Variants in CDYL2 observed in about 807,000 individuals in gnomAD.
The protein encoded by CDYL2 is chromodomain Y-like protein 2.
A neutral mutation model predicts 49.4 loss-of-function variants in CDYL2; 23 were observed. The ratio of observed to expected loss-of-function variants is 0.47; its 90% confidence interval spans 0.34 to 0.66. CDYL2 has a LOEUF of 0.66. Ranked by LOEUF, CDYL2 falls within the 30% of genes least tolerant of loss-of-function variation. The pLI, the probability that CDYL2 is intolerant of heterozygous loss-of-function variation, is 0.01. For missense variants in CDYL2, 678 were observed against 656.4 expected, an observed-to-expected ratio of 1.03 and a Z score of -0.36; for synonymous variants, 360 against 268.8, an observed-to-expected ratio of 1.34 and a Z score of -3.32.
At chr16:80,746,538 C>G (rs1905937449) in intron 1 of CDYL2, among the ~76,000 whole-genome samples, 2 of 152,172 alleles carry the variant, frequency 1.3e-5, no homozygotes, top group South Asian at 4.1e-4. Context: ...GTACTGAAGA[C>G]AGGAAAAGTA....
At chr16:80,672,061 G>A (rs768759112) in intron 2 of CDYL2, among the ~76,000 whole-genome samples, 1 of 152,090 alleles carries the variant, frequency 6.6e-6, no homozygotes, top group Non-Finnish European at 1.5e-5. Context: ...TACCAGTTAA[G>A]CACCCCTAAT....
intron 1 of CDYL2, among the ~76,000 whole-genome samples, chr16:80,769,346 C>T (rs540975397): frequency 6.6e-6 from 1 of 152,212 alleles, no homozygotes; most frequent in Admixed American, 6.5e-5. Flanking sequence ...TGAAAGCCAA[C>T]ATCTATTGAG....
intron 2 of CDYL2, among the ~76,000 whole-genome samples, chr16:80,642,916 C>A (rs1448089808): frequency 6.6e-6 from 1 of 152,042 alleles, no homozygotes; most frequent in Non-Finnish European, 1.5e-5. Context: ...CACCCCCAGC[C>A]CCTCCAAATC....
intron 1 of CDYL2, among the ~76,000 whole-genome samples, chr16:80,794,479 C>G (rs1204542267): frequency 1.3e-5 from 2 of 151,194 alleles, no homozygotes; most frequent in Non-Finnish European, 2.9e-5. Flanking sequence ...GGTATGCTCA[C>G]CAAAAAAGGA....
intron 5 of CDYL2, among the ~76,000 whole-genome samples, chr16:80,610,388 C>T (rs924436223): frequency 2.6e-5 from 4 of 152,150 alleles, no homozygotes; most frequent in African/African-American, 7.2e-5. Context: ...GTTGACCTTC[C>T]GATAAAATCA....
chr16:80,744,373 C>T (rs1905853693), intron 1 of CDYL2, among the ~76,000 whole-genome samples: 2 of 152,158 alleles, frequency 1.3e-5, no homozygotes, highest in Non-Finnish European at 2.9e-5. Context: ...CTTTCCCCTT[C>T]ACACATTGCA....
At chr16:80,787,347 C>T (rs1567606722) in intron 1 of CDYL2, among the ~76,000 whole-genome samples, 1 of 152,306 alleles carries the variant, frequency 6.6e-6, no homozygotes, top group Admixed American at 6.5e-5. Context: ...TATACTACAG[C>T]ACTTCCAACA....
intron 3 of CDYL2, among the ~76,000 whole-genome samples, chr16:80,627,149 C>A (rs923011143): frequency 6.6e-6 from 1 of 152,082 alleles, no homozygotes; most frequent in Non-Finnish European, 1.5e-5. Context: ...ACATTCCAGC[C>A]TATCTGGGTA....
chr16:80,687,583 T>C (rs1255097481), intron 1 of CDYL2, among the ~76,000 whole-genome samples: 1 of 151,942 alleles, frequency 6.6e-6, no homozygotes, highest in Non-Finnish European at 1.5e-5. Context: ...GATGGATGGA[T>C]GGACAGATGT....
chr16:80,628,858 G>C (rs1292193172), intron 3 of CDYL2, among the ~76,000 whole-genome samples: 4 of 152,126 alleles, frequency 2.6e-5, no homozygotes, highest in Admixed American at 2.0e-4. Flanking sequence ...GGGGATATCA[G>C]ACATTTAACA....
intron 1 of CDYL2, among the ~76,000 whole-genome samples, chr16:80,702,168 A>C (rs1904304706): frequency 1.3e-5 from 2 of 150,346 alleles, no homozygotes; most frequent in Admixed American, 6.6e-5. Flanking sequence ...AGGTTCCAAG[A>C]GTCAGAAGGC....
intron 1 of CDYL2, among the ~76,000 whole-genome samples, chr16:80,745,024 G>C (rs950715390): frequency 1.1e-4 from 17 of 152,202 alleles, no homozygotes; most frequent in African/African-American, 3.6e-4. Context: ...GTGAGTGACA[G>C]ATACAGGATG....
intron 1 of CDYL2, among the ~76,000 whole-genome samples, chr16:80,726,644 T>C (rs1597101752): frequency 6.6e-6 from 1 of 152,004 alleles, no homozygotes; most frequent in East Asian, 1.9e-4. Flanking sequence ...TTGGTTCTAA[T>C]ATCATTCTCC....
rs749531684 is a variant in CDYL2 at position 80,801,166 on chromosome 16, T to C, written c.24+2984A>G. On this transcript the variant is annotated intron_variant, in intron 1 of 6. Transcript: ENST00000570137. ...AAATTTCACTTTCGATCCAGACAGA[T>C]ACCTGACTCTAAGACATAACCCAAA... Among the ~76,000 whole-genome samples, 3 of 152,352 alleles carry C rather than the reference T, an allele frequency of 2.0e-5. No individual in the cohort carries two copies. In the South Asian group the frequency reaches 6.2e-4, roughly 32 times the overall value.
intron 1 of CDYL2, among the ~76,000 whole-genome samples, chr16:80,724,013 A>G (rs566418192): frequency 6.7e-6 from 1 of 150,164 alleles, no homozygotes; most frequent in South Asian, 2.1e-4. Flanking sequence ...AAGAAGCAAG[A>G]AGAGAAAGAG....
intron 3 of CDYL2, among the ~76,000 whole-genome samples, chr16:80,626,135 CAA>C (rs369077011): frequency 3.6e-5 from 5 of 139,736 alleles, no homozygotes; most frequent in Non-Finnish European, 4.7e-5. Flanking sequence ...CCTAAAAATA[CAA>C]AAAAAAAAAA....
chr16:80,680,289 A>G (rs1445668564), intron 2 of CDYL2, among the ~76,000 whole-genome samples: 1 of 152,226 alleles, frequency 6.6e-6, no homozygotes, highest in Admixed American at 6.5e-5. Context: ...GACAACAGTC[A>G]TCAAGATGCA....
intron 1 of CDYL2, among the ~76,000 whole-genome samples, chr16:80,718,077 G>T (rs1218996068): frequency 6.6e-6 from 1 of 152,166 alleles, no homozygotes; most frequent in Non-Finnish European, 1.5e-5. Flanking sequence ...TACAGATGTA[G>T]CAACTGAGGT....
intron 1 of CDYL2, among the ~76,000 whole-genome samples, chr16:80,701,343 GT>G (rs2142500565): frequency 6.6e-6 from 1 of 152,302 alleles, no homozygotes; most frequent in Admixed American, 6.5e-5. Context: ...AAGGCAGGGA[GT>G]GGATGCAGGG....
Sources: gnomAD v4.1 joint callset for allele counts (sites outside exome capture counted in the v4.1 genomes callset) on GRCh38, gnomAD v4.1.1 for gene constraint, MANE v1.5 for transcripts, NCBI Gene and HGNC (gene_info 2026-07-23, HGNC 2026-07-21) for gene names.